FAM135B: variants seen among roughly 807,000 people sequenced by gnomAD.
FAM135B encodes family with sequence similarity 135 member B.
FAM135B carries 43 observed loss-of-function variants against 127.7 expected under a neutral mutation model. The ratio of observed to expected loss-of-function variants is 0.34; its 90% CI spans 0.26 to 0.43. The LOEUF (loss-of-function observed/expected upper bound fraction) is 0.43, where lower values mean the gene tolerates loss of function less well. Among genes scored for constraint, FAM135B ranks in the 20% least tolerant of loss-of-function variants. The probability of loss-of-function intolerance (pLI) is 1.00; values close to 1 mark genes in which losing one functional copy is unlikely to be tolerated. For synonymous variants in FAM135B, 670 were observed against 665.1 expected, an observed-to-expected ratio of 1.01 and a Z score of -0.11; for missense variants, 1,558 against 1,725.6, an observed-to-expected ratio of 0.90 and a Z score of 1.72.
intron 1 of FAM135B, among the ~76,000 whole-genome samples, chr8:138,370,116 C>T (rs1411991763): frequency 6.6e-6 from 1 of 152,182 alleles, no homozygotes; most frequent in Non-Finnish European, 1.5e-5. Context: ...GCTGTTCAGG[C>T]AAAGAGTGCC....
intron 1 of FAM135B, among the ~76,000 whole-genome samples, chr8:138,478,118 A>G (rs543479331): frequency 6.6e-6 from 1 of 152,068 alleles, no homozygotes; most frequent in East Asian, 1.9e-4. Flanking sequence ...ACTACACATA[A>G]TTTCTTCCCC....
At chr8:138,282,884 AG>A (rs1485943248) in intron 3 of FAM135B, among the ~76,000 whole-genome samples, 1 of 152,132 alleles carries the variant, frequency 6.6e-6, no homozygotes, top group African/African-American at 2.4e-5. Flanking sequence ...CACACATAAA[AG>A]TTCATAGCAG....
At chr8:138,230,248 A>G (rs1407773666) in intron 7 of FAM135B, among the ~76,000 whole-genome samples, 1 of 152,164 alleles carries the variant, frequency 6.6e-6, no homozygotes, top group African/African-American at 2.4e-5. Flanking sequence ...TAGAGTAACC[A>G]CATTCAAGGG....
chr8:138,420,709 A>G (rs1307557698), intron 1 of FAM135B, among the ~76,000 whole-genome samples: 2 of 152,140 alleles, frequency 1.3e-5, no homozygotes, highest in South Asian at 2.1e-4. Flanking sequence ...AATAAATGAG[A>G]TTCATCACAT....
At chr8:138,194,968 G>A (rs954029250) in intron 9 of FAM135B, among the ~76,000 whole-genome samples, 7 of 152,186 alleles carry the variant, frequency 4.6e-5, no homozygotes, top group Admixed American at 4.6e-4. Context: ...GTCAACAAAC[G>A]TTTGTTCAAT....
At chr8:138,200,646 A>G (rs549839193) in intron 7 of FAM135B, among the ~76,000 whole-genome samples, 3 of 151,948 alleles carry the variant, frequency 2.0e-5, no homozygotes, top group Non-Finnish European at 2.9e-5. Context: ...CAGCCTAATA[A>G]TTTTTTTCTT....
intron 7 of FAM135B, among the ~76,000 whole-genome samples, chr8:138,200,269 T>G (rs1177868154): frequency 6.6e-6 from 1 of 152,220 alleles, no homozygotes; most frequent in Non-Finnish European, 1.5e-5. Flanking sequence ...ACCAGAAAAC[T>G]CAACCAACTG....
chr8:138,455,845 GC>G (rs1836745397), intron 1 of FAM135B, among the ~76,000 whole-genome samples: 1 of 152,076 alleles, frequency 6.6e-6, no homozygotes, highest in Non-Finnish European at 1.5e-5. Flanking sequence ...TGTTACAGTG[GC>G]TGAGTCCTAC....
intron 1 of FAM135B, among the ~76,000 whole-genome samples, chr8:138,447,483 G>A (rs1704345077): frequency 1.3e-5 from 2 of 152,148 alleles, no homozygotes; most frequent in African/African-American, 4.8e-5. Flanking sequence ...CCATAAAAAT[G>A]ATGAGTTCAT....
At chr8:138,238,615 G>C (rs187503867) in intron 7 of FAM135B, among the ~76,000 whole-genome samples, 56 of 152,280 alleles carry the variant, frequency 3.7e-4, no homozygotes, top group Admixed American at 2.7e-3. Flanking sequence ...GTCCAGTTTT[G>C]CAAATGTCTC....
intron 1 of FAM135B, among the ~76,000 whole-genome samples, chr8:138,419,813 C>A (rs767198303): frequency 2.0e-5 from 3 of 151,944 alleles, no homozygotes; most frequent in Non-Finnish European, 4.4e-5. Context: ...AACAAAGATA[C>A]AACATACCAG....
At chr8:138,470,564 G>A (rs1001213700) in intron 1 of FAM135B, among the ~76,000 whole-genome samples, 1 of 152,148 alleles carries the variant, frequency 6.6e-6, no homozygotes, top group Non-Finnish European at 1.5e-5. Flanking sequence ...TATTCGTTGT[G>A]TAATTATCAG....
At chr8:138,320,236 C>A (rs553762283) in intron 2 of FAM135B, among the ~76,000 whole-genome samples, 4 of 152,272 alleles carry the variant, frequency 2.6e-5, no homozygotes, top group African/African-American at 9.6e-5. Flanking sequence ...TTCAAATTTC[C>A]TCCTCATGAC....
intron 9 of FAM135B, among the ~76,000 whole-genome samples, chr8:138,183,831 C>G (rs1409049880): frequency 6.6e-6 from 1 of 152,202 alleles, no homozygotes; most frequent in Admixed American, 6.5e-5. Flanking sequence ...GGGATCTATT[C>G]TCTACCTGGT....
At chr8:138,306,543 A>C (rs1400092294) in intron 3 of FAM135B, among the ~76,000 whole-genome samples, 1 of 151,574 alleles carries the variant, frequency 6.6e-6, no homozygotes, top group African/African-American at 2.4e-5. Context: ...GGTCCACAGG[A>C]ATGCAGCAAT....
At chr8:138,278,648 C>G (rs1045976145) in intron 3 of FAM135B, among the ~76,000 whole-genome samples, 2 of 147,576 alleles carry the variant, frequency 1.4e-5, no homozygotes, top group Non-Finnish European at 3.0e-5. Context: ...ACTGCAACTT[C>G]CACCTCCCAG....
At chr8:138,423,626 C>T (rs761161013) in intron 1 of FAM135B, among the ~76,000 whole-genome samples, 41 of 152,178 alleles carry the variant, frequency 2.7e-4, no homozygotes, top group Non-Finnish European at 3.8e-4. Context: ...GGAGGCAGGG[C>T]GGGATCACAG....
chr8:138,424,217 G>T (rs1834704493), intron 1 of FAM135B, among the ~76,000 whole-genome samples: 1 of 152,136 alleles, frequency 6.6e-6, no homozygotes, highest in Non-Finnish European at 1.5e-5. Context: ...AATCACAAGG[G>T]TATTGATTGG....
chr8:138,169,785 A>T (rs1439643811), intron 11 of FAM135B, among the ~76,000 whole-genome samples: 1 of 152,184 alleles, frequency 6.6e-6, no homozygotes, highest in Non-Finnish European at 1.5e-5. Context: ...ACAAGCCAAC[A>T]TTCATGAAAA....
Sources: gnomAD v4.1 joint callset for allele counts (sites outside exome capture counted in the v4.1 genomes callset) on GRCh38, gnomAD v4.1.1 for gene constraint, MANE v1.5 for transcripts, NCBI Gene and HGNC (gene_info 2026-07-23, HGNC 2026-07-21) for gene names.